PTP4A1: variants seen among roughly 807,000 people sequenced by gnomAD.
PTP4A1 encodes protein tyrosine phosphatase type IVA 1.
In PTP4A1, 9 loss-of-function variants were observed where a neutral mutation model predicts 20.5. The ratio of observed to expected loss-of-function variants is 0.44; its 90% CI spans 0.26 to 0.77. The LOEUF (loss-of-function observed/expected upper bound fraction) is 0.77, where lower values mean the gene tolerates loss of function less well. Among genes scored for constraint, PTP4A1 ranks in the 30% least tolerant of loss-of-function variants. The pLI, the probability that PTP4A1 is intolerant of heterozygous loss-of-function variation, is 0.19. For synonymous variants in PTP4A1, 78 were observed against 67.4 expected, an observed-to-expected ratio of 1.16 and a Z score of -0.77; for missense variants, 137 against 218.8, an observed-to-expected ratio of 0.63 and a Z score of 2.36.
At chr6:63,551,862 G>C (rs1776458155) in intron 3 of PTP4A1, among the ~76,000 whole-genome samples, 1 of 152,174 alleles carries the variant, frequency 6.6e-6, no homozygotes, top group South Asian at 2.1e-4. Flanking sequence ...TCCCTACAAA[G>C]GACATGAACT....
In PTP4A1 at chr6:63,580,255, TAGTA is replaced by T; in HGVS notation, c.*85_*88del. The stretch of plus-strand genomic sequence containing the variant: ...ATACATATTAGCCAACATGTTGGCT[TAGTA>T]AGTCTAATGAAGCTTCCATAGGAGT... On this transcript the variant is annotated 3_prime_UTR_variant, in exon 6 of 6. Coordinates refer to ENST00000626021, the MANE Select transcript of PTP4A1 (RefSeq NM_003463.5). 1 of 1,153,062 alleles carries T rather than the reference TAGTA, an allele frequency of 8.7e-7. No homozygotes were observed. Among genetic ancestry groups the T allele is most frequent in the Non-Finnish European group, 1.3e-6 (1 of 773,982 alleles). The allele number at this position is 1,153,062 out of a possible 1,614,324, so 71.4% of individuals were successfully genotyped here. A position where few individuals can be genotyped will look rare whatever the true frequency, so the allele number is the denominator to read the frequency against.
rs531341563 is a variant in PTP4A1 at position 63,575,203 on chromosome 6, C to G, written c.-445-1233C>G. Among the ~76,000 whole-genome samples the G allele has an allele frequency of 5.9e-5, 9 of 152,246 alleles. No homozygotes were observed. The South Asian group carries it at 1.9e-3, about 32-fold the overall frequency. The stretch of plus-strand genomic sequence containing the variant: ...AATTTTAATTTTAAGACTTCAAATG[C>G]TTAAATTTAAGCATGGAAACTAATG... On this transcript the variant is annotated intron_variant, in intron 1 of 5. Coordinates refer to ENST00000626021, the MANE Select transcript of PTP4A1 (RefSeq NM_003463.5).
intron 3 of PTP4A1, among the ~76,000 whole-genome samples, chr6:63,558,754 A>T (rs1420047494): frequency 4.6e-5 from 7 of 152,240 alleles, no homozygotes; most frequent in Admixed American, 4.6e-4. Flanking sequence ...AATGACAGAG[A>T]AAGAATAGGA....
intron 3 of PTP4A1, among the ~76,000 whole-genome samples, chr6:63,554,067 T>C (rs1776564493): frequency 6.6e-6 from 1 of 152,232 alleles, no homozygotes; most frequent in African/African-American, 2.4e-5. Flanking sequence ...AATTCAGTGC[T>C]GTAATTTAAA....
chr6:63,538,483 A>G (rs1207692171), intron 2 of PTP4A1, among the ~76,000 whole-genome samples: 1 of 152,234 alleles, frequency 6.6e-6, no homozygotes, highest in Non-Finnish European at 1.5e-5. Context: ...TGAATTCGAG[A>G]CACTAAGTGA....
At chr6:63,550,045 G>A (rs769681236) in intron 2 of PTP4A1, among the ~76,000 whole-genome samples, 16 of 152,088 alleles carry the variant, frequency 1.1e-4, no homozygotes, top group Admixed American at 2.6e-4. Flanking sequence ...TATGTTATAC[G>A]TGTCATATCA....
Position 63,536,852 on chromosome 6 carries a change from T to A in PTP4A1, c.-640+8768T>A, listed in dbSNP as rs183580873. ...ATATTTGATAGTCTTAGCAGCATAG[T>A]CTTTTTGTAACATAAGGGTCCCCCT... On this transcript the variant is annotated intron_variant, in intron 2 of 3. Transcript: ENST00000639568. 1.3e-3 allele frequency among the ~76,000 whole-genome samples: 200 copies of A among 152,210 alleles called. 1 individual carries two copies. Among genetic ancestry groups the A allele is most frequent in the Non-Finnish European group, 1.9e-3 (126 of 68,010 alleles).
At chr6:63,541,813 T>A (rs546623769) in intron 2 of PTP4A1, among the ~76,000 whole-genome samples, 2 of 152,266 alleles carry the variant, frequency 1.3e-5, no homozygotes, top group East Asian at 3.9e-4. Context: ...CCAACCTCCT[T>A]ACACCCTTAA....
chr6:63,531,525 T>G (rs1283088345), intron 2 of PTP4A1, among the ~76,000 whole-genome samples: 3 of 150,090 alleles, frequency 2.0e-5, no homozygotes, highest in Non-Finnish European at 3.0e-5. Context: ...TTTTTTTTTT[T>G]TTTTTTTGTA....
chr6:63,569,271 T>C (rs1777317184), upstream of PTP4A1, among the ~76,000 whole-genome samples: 1 of 152,234 alleles, frequency 6.6e-6, no homozygotes, highest in Admixed American at 6.5e-5. Flanking sequence ...ATATTCTTTT[T>C]TTGAAATGAA....
chr6:63,532,096 G>A (rs531166729), intron 2 of PTP4A1, among the ~76,000 whole-genome samples: 1 of 152,130 alleles, frequency 6.6e-6, no homozygotes, highest in South Asian at 2.1e-4. Flanking sequence ...ACCACGCCCG[G>A]TCAACCACAT....
Position 63,583,026 on chromosome 6 carries a change from T to TA in PTP4A1, c.*2852_*2853insA, listed in dbSNP as rs1458226271. 2 of 152,296 alleles carry TA rather than the reference T, an allele frequency of 1.3e-5. No homozygotes were observed. The highest frequency in any genetic ancestry group is 4.8e-5 in the African/African-American group (2 of 41,548). 9.4% of individuals were successfully genotyped at this position (152,296 alleles called of 1,614,324 possible). ...TATTCATCTGGTAAATATCTACTGT[T>TA]TGCCAGGCATTTAAGAATATGGCAA... On this transcript the variant is annotated 3_prime_UTR_variant, in exon 6 of 6. Coordinates refer to ENST00000626021, the MANE Select transcript of PTP4A1 (RefSeq NM_003463.5).
intron 2 of PTP4A1, among the ~76,000 whole-genome samples, chr6:63,541,999 C>T (rs546580820): frequency 3.2e-4 from 48 of 149,800 alleles, no homozygotes; most frequent in Middle Eastern, 3.4e-3. Flanking sequence ...TAAAAACTCT[C>T]ATTTGGTGGA....
intron 3 of PTP4A1, among the ~76,000 whole-genome samples, chr6:63,564,576 C>A (rs1357509747): frequency 6.6e-6 from 1 of 152,208 alleles, no homozygotes; most frequent in African/African-American, 2.4e-5. Flanking sequence ...AGCCTAAATG[C>A]CAACTCTGTA....
intron 2 of PTP4A1, among the ~76,000 whole-genome samples, chr6:63,530,157 C>T (rs1271128532): frequency 6.6e-6 from 1 of 151,974 alleles, no homozygotes; most frequent in African/African-American, 2.4e-5. Flanking sequence ...TGGAACCATC[C>T]AAAATGATAT....
chr6:63,565,393 G>C (rs981400764), intron 3 of PTP4A1, among the ~76,000 whole-genome samples: 8 of 152,072 alleles, frequency 5.3e-5, no homozygotes, highest in Admixed American at 3.9e-4. Flanking sequence ...AAAAGGGACA[G>C]AGAATGGGCA....
At chr6:63,518,478 G>T (rs1211086831), upstream of PTP4A1, among the ~76,000 whole-genome samples, 1 of 152,186 alleles carries the variant, frequency 6.6e-6, no homozygotes, top group African/African-American at 2.4e-5. Flanking sequence ...AGAGGTAAAG[G>T]ATAACAACCA....
intron 2 of PTP4A1, among the ~76,000 whole-genome samples, chr6:63,533,168 G>A (rs560674257): frequency 1.2e-4 from 18 of 152,312 alleles, no homozygotes; most frequent in African/African-American, 4.1e-4. Context: ...GGTCACTTGA[G>A]GTCACGAGTT....
intron 2 of PTP4A1, chr6:63,550,247 G>A (rs899463014): frequency 6.6e-6 from 1 of 152,092 alleles, no homozygotes; most frequent in African/African-American, 2.4e-5. Flanking sequence ...TGCAATTAAT[G>A]GCAGTGTGAA....
Sources: allele counts gnomAD v4.1 joint callset (sites outside exome capture counted in the v4.1 genomes callset), GRCh38; gene constraint gnomAD v4.1.1; transcripts MANE v1.5; gene names NCBI Gene and HGNC (gene_info 2026-07-23, HGNC 2026-07-21).